Variants in FRMD4A observed in about 807,000 individuals in gnomAD.
The protein encoded by FRMD4A is FERM domain containing 4A, also known as FERM domain-containing protein 4A.
FRMD4A carries 29 observed loss-of-function variants against 129.1 expected under a neutral mutation model. The ratio of observed to expected loss-of-function variants is 0.22; its 90% CI spans 0.17 to 0.31. FRMD4A has a LOEUF of 0.31. Among genes scored for constraint, FRMD4A ranks in the 10% least tolerant of loss-of-function variants. FRMD4A has a pLI of 1.00. For missense variants in FRMD4A, 1,272 were observed against 1,375.8 expected (o/e 0.92, Z 1.19); for synonymous variants, 634 against 571.6 (o/e 1.11, Z -1.56).
At chr10:14,106,372 G>C (rs985374037) in intron 2 of FRMD4A, among the ~76,000 whole-genome samples, 2 of 152,100 alleles carry the variant, frequency 1.3e-5, no homozygotes, top group African/African-American at 4.8e-5. Flanking sequence ...TAAGGGGGTT[G>C]GTTCTTTTTA....
intron 3 of FRMD4A, 119 bp downstream of exon 3, chr10:13,858,728 A>G: frequency 1.4e-6 from 1 of 736,802 alleles, no homozygotes; most frequent in East Asian, 2.5e-5. Context: ...ATTCTCTCAC[A>G]GATATTAACA....
intron 2 of FRMD4A, among the ~76,000 whole-genome samples, chr10:14,050,646 A>G (rs944773186): frequency 1.3e-5 from 2 of 152,116 alleles, no homozygotes; most frequent in South Asian, 4.2e-4. Context: ...ACCTCCAGGG[A>G]GGGCAGGGGG....
chr10:14,129,622 G>C (rs962104565), intron 2 of FRMD4A, among the ~76,000 whole-genome samples: 1 of 151,890 alleles, frequency 6.6e-6, no homozygotes, highest in East Asian at 1.9e-4. Flanking sequence ...ATCACTCTGG[G>C]AACAAAGGTC....
rs114658334 is a variant in FRMD4A, at chr10:13,739,340, A to G, written c.672+854T>C. On this transcript the variant is annotated intron_variant, in intron 11 of 24. Coordinates refer to ENST00000357447, the MANE Select transcript of FRMD4A (RefSeq NM_018027.5). ...CAGAGAACAGAACAAGAGGAAACCC[A>G]ATGCCACTGCAACAGCAGATTGACC... Among the ~76,000 whole-genome samples the G allele has an allele frequency of 3.9e-3, 590 of 152,322 alleles. 12 individuals are homozygous for G. The highest frequency in any genetic ancestry group is 0.014 in the African/African-American group (566 of 41,564).
chr10:13,873,551 G>C (rs558337029), intron 2 of FRMD4A, among the ~76,000 whole-genome samples: 16 of 152,256 alleles, frequency 1.1e-4, no homozygotes, highest in African/African-American at 3.8e-4. Context: ...ATTTAAATTA[G>C]TTAATTTATT....
intron 3 of FRMD4A, among the ~76,000 whole-genome samples, chr10:13,840,334 A>T (rs1197961586): frequency 6.6e-6 from 1 of 152,178 alleles, no homozygotes; most frequent in African/African-American, 2.4e-5. Context: ...GGATGTCCAC[A>T]AGCCAAGGAG....
intron 2 of FRMD4A, among the ~76,000 whole-genome samples, chr10:14,194,636 C>T (rs934349934): frequency 2.0e-5 from 3 of 152,148 alleles, no homozygotes; most frequent in African/African-American, 7.2e-5. Flanking sequence ...AACAAAAAAC[C>T]AAGGAGCATT....
Position 13,819,104 on chromosome 10 carries a change from G to T in FRMD4A, c.112-8196C>A, listed in dbSNP as rs936085378. On this transcript the variant is annotated intron_variant, in intron 3 of 24. Transcript: ENST00000357447. ...GATCGCACCACTACCCTCCAGCCTGGGTGACAGAGTGAGACTCTGTCTCAA... is the reference window on the plus strand; with the variant it reads ...GATCGCACCACTACCCTCCAGCCTGTGTGACAGAGTGAGACTCTGTCTCAA... Among the ~76,000 whole-genome samples the T allele has an allele frequency of 4.7e-5, 7 of 150,114 alleles. 1 individual carries two copies. The highest frequency in any genetic ancestry group is 1.7e-4 in the African/African-American group (7 of 40,718).
chr10:14,182,079 G>A (rs926289202), intron 2 of FRMD4A, among the ~76,000 whole-genome samples: 2 of 152,122 alleles, frequency 1.3e-5, no homozygotes, highest in African/African-American at 2.4e-5. Context: ...GTTTATTTGT[G>A]GCTTTTTCTT....
At chr10:14,093,676 T>C (rs1180545744) in intron 2 of FRMD4A, among the ~76,000 whole-genome samples, 1 of 139,278 alleles carries the variant, frequency 7.2e-6, no homozygotes, top group Non-Finnish European at 1.6e-5. Context: ...ATATTATGAA[T>C]AAAATTATCA....
chr10:13,771,566 T>C (rs1206603293), intron 6 of FRMD4A, among the ~76,000 whole-genome samples: 5 of 152,220 alleles, frequency 3.3e-5, no homozygotes, highest in Non-Finnish European at 7.3e-5. Flanking sequence ...AATAATTTTC[T>C]GAGCATCGGC....
At chr10:14,130,538 A>T (rs946763846) in intron 2 of FRMD4A, among the ~76,000 whole-genome samples, 2 of 152,260 alleles carry the variant, frequency 1.3e-5, no homozygotes, top group Non-Finnish European at 2.9e-5. Context: ...GGCACGAGCC[A>T]TCAGACCCAG....
At chr10:13,969,244 A>G (rs1303846658) in intron 2 of FRMD4A, among the ~76,000 whole-genome samples, 1 of 152,164 alleles carries the variant, frequency 6.6e-6, no homozygotes, top group Non-Finnish European at 1.5e-5. Context: ...AGACCCACCC[A>G]TGGGGATTAC....
chr10:13,818,287 T>C (rs895908965), intron 3 of FRMD4A, among the ~76,000 whole-genome samples: 20 of 152,016 alleles, frequency 1.3e-4, no homozygotes, highest in African/African-American at 3.4e-4. Context: ...TTCAGTCTCC[T>C]GAGTAGGGGG....
At chr10:14,314,930 T>C (rs1440363643) in intron 2 of FRMD4A, among the ~76,000 whole-genome samples, 3 of 144,574 alleles carry the variant, frequency 2.1e-5, no homozygotes, top group African/African-American at 5.1e-5. Context: ...TGCCATGTGA[T>C]TGGCGAATCT....
At chr10:14,050,226 C>T (rs1436427094) in intron 2 of FRMD4A, among the ~76,000 whole-genome samples, 1 of 152,248 alleles carries the variant, frequency 6.6e-6, no homozygotes, top group Admixed American at 6.5e-5. Context: ...GCAGTGACTG[C>T]TCTCACTCAC....
At chr10:13,939,029 C>T (rs1253345693) in intron 2 of FRMD4A, among the ~76,000 whole-genome samples, 1 of 152,204 alleles carries the variant, frequency 6.6e-6, no homozygotes, top group African/African-American at 2.4e-5. Flanking sequence ...ATCCTCCCCA[C>T]CCTCCAGCAG....
At chr10:14,220,019 C>T (rs1156822062) in intron 2 of FRMD4A, among the ~76,000 whole-genome samples, 8 of 152,254 alleles carry the variant, frequency 5.3e-5, no homozygotes, top group South Asian at 2.1e-4. Context: ...TGTGAAGTGA[C>T]GAAGCAGTTT....
chr10:13,663,293 C>T (rs1349512217), intron 19 of FRMD4A, among the ~76,000 whole-genome samples, 160 bp downstream of exon 19: 1 of 62,042 alleles, frequency 1.6e-5, no homozygotes, highest in East Asian at 6.3e-4. Flanking sequence ...CCACTCCCAA[C>T]CAAAGAGGTG....
Sources: gnomAD v4.1 joint callset for allele counts (sites outside exome capture counted in the v4.1 genomes callset) on GRCh38, gnomAD v4.1.1 for gene constraint, MANE v1.5 for transcripts, NCBI Gene and HGNC (gene_info 2026-07-23, HGNC 2026-07-21) for gene names.